Variants in HTR2C observed in about 807,000 individuals in gnomAD.
HTR2C encodes 5-hydroxytryptamine receptor 2C.
HTR2C carries 5 observed loss-of-function variants against 21.0 expected under a neutral mutation model. The ratio of observed to expected loss-of-function variants is 0.24; its 90% CI spans 0.12 to 0.50. The LOEUF (loss-of-function observed/expected upper bound fraction) is 0.50. Among genes scored for constraint, HTR2C ranks in the 20% least tolerant of loss-of-function variants. The pLI is 0.98. For missense variants in HTR2C, 271 were observed against 371.2 expected (o/e 0.73, Z 2.22); for synonymous variants, 150 against 145.3 (o/e 1.03, Z -0.23).
At chrX:114,814,238 T>C (rs1188376004) in intron 4 of HTR2C, among the ~76,000 whole-genome samples, 5 of 110,154 alleles carry the variant, frequency 4.5e-5, no homozygotes, top group African/African-American at 1.7e-4. Context: ...GTAACCTAAT[T>C]CTTCATGATA....
intron 2 of HTR2C, among the ~76,000 whole-genome samples, chrX:114,624,166 G>A (rs781955674): frequency 1.8e-5 from 2 of 110,257 alleles, no homozygotes; most frequent in African/African-American, 6.6e-5. Context: ...AAAGTGCTAG[G>A]ATTATGGGCG....
chrX:114,661,335 G>A (rs1480308810), intron 2 of HTR2C, among the ~76,000 whole-genome samples: 1 of 110,158 alleles, frequency 9.1e-6, no homozygotes. Flanking sequence ...CCAGCTACTC[G>A]GGAGGCTGAG....
chrX:114,769,807 T>C (rs2069982363), intron 4 of HTR2C, among the ~76,000 whole-genome samples: 1 of 111,510 alleles, frequency 9.0e-6, no homozygotes, highest in Non-Finnish European at 1.9e-5. Flanking sequence ...TTTAAACCAT[T>C]TGGAAAGAGA....
intron 5 of HTR2C, among the ~76,000 whole-genome samples, chrX:114,872,769 G>A (rs1347441503): frequency 9.0e-6 from 1 of 111,005 alleles, no homozygotes; most frequent in African/African-American, 3.3e-5. Flanking sequence ...ATACTCTGCT[G>A]TCTAGTTGGT....
chrX:114,897,619 A>C (rs2071306607), intron 5 of HTR2C, among the ~76,000 whole-genome samples: 1 of 111,597 alleles, frequency 9.0e-6, no homozygotes, highest in African/African-American at 3.3e-5. Flanking sequence ...ATGTGTTCTC[A>C]TGATTCAGCT....
chrX:114,733,598 GAA>G (rs370070010), intron 4 of HTR2C, among the ~76,000 whole-genome samples: 1 of 96,727 alleles, frequency 1.0e-5, no homozygotes, highest in African/African-American at 3.8e-5. Flanking sequence ...GAGGTGACTT[GAA>G]AAAAAAAAAG....
At chrX:114,838,703 G>A (rs782112057) in intron 4 of HTR2C, among the ~76,000 whole-genome samples, 1 of 111,830 alleles carries the variant, frequency 8.9e-6, no homozygotes, top group South Asian at 3.7e-4. Flanking sequence ...ACTATGAATT[G>A]GCCTCCCCTA....
At chrX:114,690,192 A>T (rs1410435955) in intron 2 of HTR2C, among the ~76,000 whole-genome samples, 1 of 111,426 alleles carries the variant, frequency 9.0e-6, no homozygotes, top group Non-Finnish European at 1.9e-5. Flanking sequence ...GATGATAGTG[A>T]CAGTTCTTGA....
chrX:114,850,422 A>G (rs782490277), intron 5 of HTR2C, among the ~76,000 whole-genome samples: 29 of 110,995 alleles, frequency 2.6e-4, no homozygotes, highest in Non-Finnish European at 4.7e-4. Flanking sequence ...CACAAAAAAA[A>G]TTAATTAATT....
At chrX:114,838,974 G>A (rs1035080266) in intron 4 of HTR2C, among the ~76,000 whole-genome samples, 5 of 112,203 alleles carry the variant, frequency 4.5e-5, no homozygotes, top group African/African-American at 1.6e-4. Context: ...AGTGAAACAT[G>A]TCAAGGAGAA....
At chrX:114,668,434 T>G (rs966039001) in intron 2 of HTR2C, among the ~76,000 whole-genome samples, 7 of 111,927 alleles carry the variant, frequency 6.3e-5, no homozygotes, top group Admixed American at 3.8e-4. Context: ...CATTTTTGTT[T>G]TAAAATTTTT....
At chrX:114,598,907 G>A (rs1012302709) in intron 1 of HTR2C, among the ~76,000 whole-genome samples, 4 of 111,009 alleles carry the variant, frequency 3.6e-5, no homozygotes, top group Admixed American at 1.9e-4. Flanking sequence ...AAGACTTAGA[G>A]AGGGTTCTTG....
At chrX:114,783,714 T>C (rs1447395789) in intron 4 of HTR2C, among the ~76,000 whole-genome samples, 1 of 111,810 alleles carries the variant, frequency 8.9e-6, no homozygotes, top group East Asian at 2.8e-4. Context: ...ATAAAATTAA[T>C]GAAATTTAAT....
chrX:114,674,627 T>C (rs1931491046), intron 2 of HTR2C, among the ~76,000 whole-genome samples: 1 of 111,720 alleles, frequency 9.0e-6, no homozygotes, highest in Non-Finnish European at 1.9e-5. Context: ...TAAGTCAAAA[T>C]GCATAGCATG....
chrX:114,784,129 T>C (rs1226592505), intron 4 of HTR2C, among the ~76,000 whole-genome samples: 2 of 101,320 alleles, frequency 2.0e-5, no homozygotes, highest in East Asian at 3.0e-4. Context: ...AAACCAAACA[T>C]TGGTTCTCTG....
intron 1 of HTR2C, among the ~76,000 whole-genome samples, chrX:114,598,757 C>T (rs781907081): frequency 6.1e-4 from 68 of 111,010 alleles, no homozygotes; most frequent in African/African-American, 2.0e-3. Context: ...GCATGGATAA[C>T]GTTATGAAAA....
At chrX:114,604,578 G>C (rs1215332476) in intron 1 of HTR2C, among the ~76,000 whole-genome samples, 1 of 110,959 alleles carries the variant, frequency 9.0e-6, no homozygotes, top group Non-Finnish European at 1.9e-5. Flanking sequence ...CCGCTAATCC[G>C]AGAAGATCTG....
chrX:114,731,268 T>C, intron 3 of HTR2C, 26 bp from the exon 4 acceptor site: 1 of 1,092,437 alleles, frequency 9.2e-7, no homozygotes, highest in Non-Finnish European at 1.2e-6. Context: ...ATGTACCTGA[T>C]TGTTTTTTTT....
At chrX:114,742,727 A>T (rs12840118) in intron 4 of HTR2C, among the ~76,000 whole-genome samples, 1,839 of 71,273 alleles carry the variant, frequency 0.026, 64 homozygotes, top group African/African-American at 0.089. Context: ...TTTTTTTTTA[A>T]TTTTTTTTTT....
Sources: gnomAD v4.1 joint callset for allele counts (sites outside exome capture counted in the v4.1 genomes callset) on GRCh38, gnomAD v4.1.1 for gene constraint, MANE v1.5 for transcripts, NCBI Gene and HGNC (gene_info 2026-07-23, HGNC 2026-07-21) for gene names.